The following LSAMP variants were observed in gnomAD, a reference collection of about 807,000 sequenced individuals.
LSAMP encodes limbic system associated membrane protein.
In LSAMP, 7 loss-of-function variants were observed where a neutral mutation model predicts 38.6. The observed-to-expected ratio is 0.18, with a 90% confidence interval of 0.10 to 0.34. The LOEUF (loss-of-function observed/expected upper bound fraction) is 0.34. Among genes scored for constraint, LSAMP ranks in the 10% least tolerant of loss-of-function variants. The pLI is 1.00. For missense variants in LSAMP, 313 were observed against 420.0 expected (o/e 0.75, Z 2.23); for synonymous variants, 154 against 166.8 (o/e 0.92, Z 0.59).
chr3:116,082,749 G>A (rs1707899330), intron 2 of LSAMP, among the ~76,000 whole-genome samples: 2 of 152,100 alleles, frequency 1.3e-5, no homozygotes, highest in South Asian at 2.1e-4. Flanking sequence ...ACGTAGGTGG[G>A]GCTGTAGGCT....
rs149778149 is a variant in LSAMP, at chr3:116,410,152, T to A, written c.155+34725A>T. On this transcript the variant is annotated intron_variant, in intron 1 of 6. Coordinates refer to ENST00000490035, the MANE Select transcript of LSAMP (RefSeq NM_002338.5). ...GATAATTTCTGCTGTTTTTCGTAAA[T>A]CTCTATATAGCACCTCAATCACGAC... 4.6e-5 allele frequency among the ~76,000 whole-genome samples: 7 copies of A among 152,204 alleles called. No individual in the cohort carries two copies. In the East Asian group the frequency reaches 1.4e-3, roughly 29 times the overall value.
chr3:116,266,215 C>T (rs557915841), intron 1 of LSAMP, among the ~76,000 whole-genome samples: 20 of 152,218 alleles, frequency 1.3e-4, no homozygotes, highest in African/African-American at 3.4e-4. Flanking sequence ...TATCACACCA[C>T]GTAACTAATT....
At chr3:115,812,341 A>G (rs1577028150) in intron 6 of LSAMP, among the ~76,000 whole-genome samples, 1 of 152,164 alleles carries the variant, frequency 6.6e-6, no homozygotes, top group East Asian at 1.9e-4. Flanking sequence ...CTTCAGGTTC[A>G]TGCATTTCAT....
intron 1 of LSAMP, among the ~76,000 whole-genome samples, chr3:116,280,332 T>C (rs1407404845): frequency 6.6e-6 from 1 of 152,222 alleles, no homozygotes; most frequent in Non-Finnish European, 1.5e-5. Flanking sequence ...ACATGACCCC[T>C]GAGCAGACCT....
intron 3 of LSAMP, among the ~76,000 whole-genome samples, chr3:115,991,417 A>G (rs1939663479): frequency 1.3e-5 from 2 of 152,118 alleles, no homozygotes; most frequent in South Asian, 4.1e-4. Context: ...ACAATTATAT[A>G]TTATACATAC....
chr3:115,965,811 A>G (rs530540282), intron 3 of LSAMP, among the ~76,000 whole-genome samples: 15 of 152,254 alleles, frequency 9.9e-5, no homozygotes, highest in African/African-American at 3.4e-4. Flanking sequence ...AGATGGCATA[A>G]TATTTTATAA....
At position 115,831,560 on chromosome 3, in the gene LSAMP, G is replaced by A. The variant is rs79496650; in HGVS notation, c.919+10285C>T. 2.0e-5 allele frequency among the ~76,000 whole-genome samples: 3 copies of A among 152,046 alleles called. No homozygotes were observed. The East Asian group carries it at 5.8e-4, about 29-fold the overall frequency. On this transcript the variant is annotated intron_variant, in intron 6 of 6. Transcript: ENST00000490035. ...AGAGCTAGGCACAAGTAAACTGATG[G>A]GGAGAAATGTTATCATTGCTCAGTA...
chr3:115,836,009 TG>T (rs1160242458), intron 6 of LSAMP, among the ~76,000 whole-genome samples: 1 of 152,234 alleles, frequency 6.6e-6, no homozygotes, highest in African/African-American at 2.4e-5. Context: ...CTCTTTCTAC[TG>T]AATTTTATTT....
intron 6 of LSAMP, among the ~76,000 whole-genome samples, chr3:115,822,945 C>G (rs758478810): frequency 6.6e-6 from 1 of 152,188 alleles, no homozygotes; most frequent in Non-Finnish European, 1.5e-5. Context: ...CAGAATACTG[C>G]AGCCCTAGAC....
chr3:116,245,589 AT>A (rs1332779780), intron 1 of LSAMP, among the ~76,000 whole-genome samples: 1 of 152,164 alleles, frequency 6.6e-6, no homozygotes. Flanking sequence ...ACATGCCAGA[AT>A]TTTCATGACC....
intron 1 of LSAMP, among the ~76,000 whole-genome samples, chr3:116,319,674 A>C (rs1381673310): frequency 7.2e-5 from 11 of 152,180 alleles, no homozygotes; most frequent in Non-Finnish European, 1.3e-4. Flanking sequence ...CACCTCTCTA[A>C]AGGTCAGCTC....
intron 1 of LSAMP, among the ~76,000 whole-genome samples, chr3:116,115,166 A>G: frequency 6.6e-6 from 1 of 152,268 alleles, no homozygotes; most frequent in Non-Finnish European, 1.5e-5. Flanking sequence ...AAATAAGCCA[A>G]TACATTTGCA....
intron 3 of LSAMP, among the ~76,000 whole-genome samples, chr3:115,943,104 G>T (rs78285427): frequency 7.2e-5 from 11 of 152,082 alleles, no homozygotes; most frequent in African/African-American, 2.7e-4. Context: ...TATGAGGGGG[G>T]CACATTTCAG....
intron 3 of LSAMP, among the ~76,000 whole-genome samples, chr3:115,870,556 A>G (rs1173747785): frequency 6.6e-6 from 1 of 152,150 alleles, no homozygotes; most frequent in Non-Finnish European, 1.5e-5. Flanking sequence ...TACCTCCAAA[A>G]GTTCTAATCC....
chr3:116,109,022 G>T (rs578141692), intron 1 of LSAMP, among the ~76,000 whole-genome samples: 1 of 152,296 alleles, frequency 6.6e-6, no homozygotes, highest in South Asian at 2.1e-4. Flanking sequence ...GTAATAAAAT[G>T]TATATTGAGA....
At chr3:115,869,567 A>G (rs2107388699) in intron 3 of LSAMP, among the ~76,000 whole-genome samples, 1 of 152,260 alleles carries the variant, frequency 6.6e-6, no homozygotes, top group South Asian at 2.1e-4. Context: ...TGCTCTTACC[A>G]TTAATATTCA....
chr3:116,301,794 T>C (rs2047412417), intron 1 of LSAMP, among the ~76,000 whole-genome samples: 1 of 152,184 alleles, frequency 6.6e-6, no homozygotes, highest in African/African-American at 2.4e-5. Flanking sequence ...AGATAATAGT[T>C]TTTTTCTATA....
intron 3 of LSAMP, among the ~76,000 whole-genome samples, chr3:116,018,437 T>G (rs1202948229): frequency 6.6e-6 from 1 of 152,170 alleles, no homozygotes; most frequent in African/African-American, 2.4e-5. Context: ...TGAATAATAT[T>G]TTTATGGTGT....
chr3:116,293,512 A>G (rs1344958112), intron 1 of LSAMP, among the ~76,000 whole-genome samples: 1 of 152,168 alleles, frequency 6.6e-6, no homozygotes, highest in Non-Finnish European at 1.5e-5. Context: ...TCATAGAACA[A>G]AAAAATGGAG....
Sources: allele counts gnomAD v4.1 joint callset (sites outside exome capture counted in the v4.1 genomes callset), GRCh38; gene constraint gnomAD v4.1.1; transcripts MANE v1.5; gene names NCBI Gene and HGNC (gene_info 2026-07-23, HGNC 2026-07-21).